Variants in FHIT observed in about 807,000 individuals in gnomAD.
The protein encoded by FHIT is bis(5'-adenosyl)-triphosphatase.
A neutral mutation model predicts 17.9 loss-of-function variants in FHIT; 19 were observed. That is an observed-to-expected ratio of 1.06 (90% confidence interval 0.74 to 1.56). FHIT has a LOEUF of 1.56. Among genes scored for constraint, FHIT ranks in the 40% most tolerant of loss-of-function variants. The pLI, the probability that FHIT is intolerant of heterozygous loss-of-function variation, is 0.00. For synonymous variants in FHIT, 81 were observed against 69.7 expected (o/e 1.16, Z -0.81); for missense variants, 248 against 189.2 (o/e 1.31, Z -1.82).
chr3:60,666,888 GTCTCACTT>G (rs2040394133), intron 4 of FHIT, among the ~76,000 whole-genome samples: 2 of 124,904 alleles, frequency 1.6e-5, no homozygotes, highest in East Asian at 4.6e-4. Context: ...TTGAGACAGA[GTCTCACTT>G]TATTATACAG....
intron 4 of FHIT, among the ~76,000 whole-genome samples, chr3:60,628,555 A>G (rs1422366176): frequency 2.6e-5 from 4 of 152,180 alleles, no homozygotes; most frequent in African/African-American, 4.8e-5. Context: ...GTCTGACCCA[A>G]TTAAATTCAA....
intron 3 of FHIT, among the ~76,000 whole-genome samples, chr3:60,901,300 T>A (rs115743218): frequency 1.1e-3 from 162 of 152,342 alleles, no homozygotes; most frequent in South Asian, 1.4e-3. Context: ...TCACTAAGTA[T>A]GTTGACATTC....
chr3:60,230,504 AT>A (rs1407534057), intron 5 of FHIT, among the ~76,000 whole-genome samples: 2 of 152,132 alleles, frequency 1.3e-5, no homozygotes, highest in Non-Finnish European at 2.9e-5. Context: ...GAGACTCCTT[AT>A]TTTTAAAAAT....
At chr3:59,979,398 A>G (rs963558119) in intron 7 of FHIT, among the ~76,000 whole-genome samples, 2 of 152,144 alleles carry the variant, frequency 1.3e-5, no homozygotes, top group Non-Finnish European at 2.9e-5. Context: ...CATCTCCAAG[A>G]TTCAGGGAAA....
chr3:59,975,421 T>C (rs1418012755), intron 7 of FHIT, among the ~76,000 whole-genome samples: 1 of 152,100 alleles, frequency 6.6e-6, no homozygotes, highest in Non-Finnish European at 1.5e-5. Flanking sequence ...AGATTATAAA[T>C]ATACTGTAAG....
chr3:60,676,217 A>G (rs1553695343), intron 4 of FHIT, among the ~76,000 whole-genome samples: 2 of 152,184 alleles, frequency 1.3e-5, no homozygotes, highest in Non-Finnish European at 2.9e-5. Context: ...CCAAAGTGGT[A>G]TAATTTATTT....
intron 8 of FHIT, among the ~76,000 whole-genome samples, chr3:59,808,517 T>C (rs531316649): frequency 8.1e-4 from 124 of 152,318 alleles, no homozygotes; most frequent in African/African-American, 2.7e-3. Flanking sequence ...CGTCCACTCC[T>C]TTTGCTAATT....
chr3:60,665,221 C>T (rs143138139), intron 4 of FHIT, among the ~76,000 whole-genome samples: 18 of 151,926 alleles, frequency 1.2e-4, no homozygotes, highest in African/African-American at 3.4e-4. Context: ...GAATGTTCTT[C>T]GGTTGCTTGA....
intron 2 of FHIT, among the ~76,000 whole-genome samples, chr3:61,159,755 T>G (rs942892090): frequency 1.3e-5 from 2 of 152,248 alleles, no homozygotes; most frequent in Admixed American, 6.5e-5. Context: ...GAATTAGCAG[T>G]AGGATACCAA....
intron 3 of FHIT, among the ~76,000 whole-genome samples, chr3:60,859,490 A>G (rs1703528552): frequency 6.6e-6 from 1 of 151,960 alleles, no homozygotes; most frequent in Non-Finnish European, 1.5e-5. Context: ...CGTGGGTCCA[A>G]ATGACTGAGT....
At chr3:60,986,788 T>C (rs1710736217) in intron 3 of FHIT, among the ~76,000 whole-genome samples, 1 of 152,080 alleles carries the variant, frequency 6.6e-6, no homozygotes, top group African/African-American at 2.4e-5. Context: ...TGACAGTTAT[T>C]CCCCCACTGA....
chr3:60,214,033 T>C (rs1247472235), intron 5 of FHIT, among the ~76,000 whole-genome samples: 1 of 152,116 alleles, frequency 6.6e-6, no homozygotes, highest in Admixed American at 6.5e-5. Context: ...AATAATCTCA[T>C]GTAATAAGAG....
intron 4 of FHIT, among the ~76,000 whole-genome samples, chr3:60,546,041 CTTTGTATTT>C (rs1325602422): frequency 5.3e-5 from 8 of 152,060 alleles, no homozygotes; most frequent in African/African-American, 1.9e-4. Context: ...CCTTTTTCTT[CTTTGTATTT>C]GACAAGTATA....
At chr3:60,390,809 G>A (rs76122422) in intron 5 of FHIT, among the ~76,000 whole-genome samples, 6,039 of 152,112 alleles carry the variant, frequency 0.04, 392 homozygotes, top group African/African-American at 0.14. Context: ...GTACATAGCT[G>A]TACAATGTGT....
intron 4 of FHIT, among the ~76,000 whole-genome samples, chr3:60,634,835 C>T (rs1553683362): frequency 1.3e-5 from 2 of 152,210 alleles, no homozygotes; most frequent in Non-Finnish European, 2.9e-5. Context: ...TTTGTTTTAA[C>T]ATGATTTCTT....
chr3:60,923,495 C>T (rs1707398605), intron 3 of FHIT, among the ~76,000 whole-genome samples: 1 of 152,154 alleles, frequency 6.6e-6, no homozygotes, highest in African/African-American at 2.4e-5. Flanking sequence ...CAAGCTGGTC[C>T]TCCTAATTGA....
intron 5 of FHIT, among the ~76,000 whole-genome samples, chr3:60,023,493 T>C (rs1427842236): frequency 6.6e-6 from 1 of 152,192 alleles, no homozygotes; most frequent in Non-Finnish European, 1.5e-5. Flanking sequence ...AATTATGGAT[T>C]CCAAATTTAG....
chr3:60,668,196 T>C (rs1323321021), intron 4 of FHIT, among the ~76,000 whole-genome samples: 3 of 151,638 alleles, frequency 2.0e-5, no homozygotes, highest in Admixed American at 2.0e-4. Context: ...ATTCTTTTTT[T>C]ACGTGTTCTG....
At chr3:60,121,542 G>A (rs1396917116) in intron 5 of FHIT, among the ~76,000 whole-genome samples, 1 of 152,028 alleles carries the variant, frequency 6.6e-6, no homozygotes, top group Non-Finnish European at 1.5e-5. Flanking sequence ...AAATTAGCCA[G>A]GCGTGGTGGT....
Sources: allele counts gnomAD v4.1 joint callset (sites outside exome capture counted in the v4.1 genomes callset), GRCh38; gene constraint gnomAD v4.1.1; transcripts MANE v1.5; gene names NCBI Gene and HGNC (gene_info 2026-07-23, HGNC 2026-07-21).